Variants in RNF6 observed in about 807,000 individuals in gnomAD.
The protein encoded by RNF6 is ring finger protein 6.
Under a neutral mutation model 50.1 loss-of-function variants are expected in RNF6, and 21 were observed. The observed-to-expected ratio is 0.42, with a 90% CI of 0.30 to 0.60. RNF6 has a LOEUF of 0.60. Among genes scored for constraint, RNF6 ranks in the 20% least tolerant of loss-of-function variants. RNF6 has a pLI of 0.20. For synonymous variants in RNF6, 255 were observed against 291.8 expected (o/e 0.87, Z 1.29); for missense variants, 698 against 838.2 (o/e 0.83, Z 2.07).
At chr13:26,217,374 T>C (rs1242899439) in intron 4 of RNF6, among the ~76,000 whole-genome samples, 1 of 152,208 alleles carries the variant, frequency 6.6e-6, no homozygotes, top group Non-Finnish European at 1.5e-5. Context: ...GTGAAAGAGT[T>C]TGCCAAGTAC....
chr13:26,194,165 A>AT (rs1437928000), intron 5 of RNF6, among the ~76,000 whole-genome samples: 2 of 152,168 alleles, frequency 1.3e-5, no homozygotes, highest in Non-Finnish European at 2.9e-5. Context: ...ACAGATGGGT[A>AT]TTTTTCTCAA....
At chr13:26,133,367 G>A (rs1870488441) in intron 5 of RNF6, among the ~76,000 whole-genome samples, 1 of 152,160 alleles carries the variant, frequency 6.6e-6, no homozygotes, top group African/African-American at 2.4e-5. Context: ...TGAATCTACA[G>A]TTTGTGTTTT....
At chr13:26,186,606 T>G (rs1873547130) in intron 5 of RNF6, among the ~76,000 whole-genome samples, 1 of 152,200 alleles carries the variant, frequency 6.6e-6, no homozygotes, top group South Asian at 2.1e-4. Flanking sequence ...AGCCTCGGAA[T>G]TGGGCCTCCT....
chr13:26,170,195 G>T (rs1872630204), intron 5 of RNF6, among the ~76,000 whole-genome samples: 1 of 151,018 alleles, frequency 6.6e-6, no homozygotes, highest in Non-Finnish European at 1.5e-5. Context: ...CCATCTGATT[G>T]GGAGCAAACT....
At chr13:26,166,075 T>G (rs538343991) in intron 5 of RNF6, among the ~76,000 whole-genome samples, 28 of 152,250 alleles carry the variant, frequency 1.8e-4, no homozygotes, top group African/African-American at 6.5e-4. Context: ...TGAGAGGTAA[T>G]TGAATCACAG....
At chr13:26,220,609 A>G (rs1870377832) in intron 2 of RNF6, among the ~76,000 whole-genome samples, 1 of 152,200 alleles carries the variant, frequency 6.6e-6, no homozygotes, top group Non-Finnish European at 1.5e-5. Context: ...TAGATGCCCA[A>G]ATCTCATCCC....
Position 26,132,577 on chromosome 13 carries a change from A to G in RNF6, n.769-126T>C, listed in dbSNP as rs9581546. On this transcript the variant is annotated intron_variant and non_coding_transcript_variant, in intron 5 of 5. Transcript: ENST00000468480. ...TCTAAAAATGTATTGCACTCACTAG[A>G]TAATAAAATAATGCACATCACACTT... is the stretch of plus-strand genomic sequence containing the variant. 1,269 of 305,614 alleles carry G rather than the reference A, an allele frequency of 4.2e-3. 18 individuals carry two copies. The highest frequency in any genetic ancestry group is 0.026 in the African/African-American group (1,184 of 45,822). The allele number at this position is 305,614 out of a possible 1,614,324, so 18.9% of individuals were successfully genotyped here.
chr13:26,155,204 G>A (rs1357575006), intron 5 of RNF6, among the ~76,000 whole-genome samples: 1 of 151,918 alleles, frequency 6.6e-6, no homozygotes, highest in Non-Finnish European at 1.5e-5. Context: ...AGGAGTTGAA[G>A]GCTGCAGTAA....
At chr13:26,158,146 G>A (rs114962511) in intron 5 of RNF6, among the ~76,000 whole-genome samples, 3,557 of 152,264 alleles carry the variant, frequency 0.023, 122 homozygotes, top group African/African-American at 0.076. Context: ...AGCCAGGGAA[G>A]CTACAGTAAC....
At chr13:26,149,577 A>G (rs1871444922) in intron 5 of RNF6, among the ~76,000 whole-genome samples, 1 of 150,818 alleles carries the variant, frequency 6.6e-6, no homozygotes, top group Non-Finnish European at 1.5e-5. Context: ...ACAGGGTGAG[A>G]CTCCGTCTAA....
chr13:26,138,922 T>C (rs1870787970), intron 5 of RNF6, among the ~76,000 whole-genome samples: 1 of 152,216 alleles, frequency 6.6e-6, no homozygotes, highest in Non-Finnish European at 1.5e-5. Flanking sequence ...TCACTTCACA[T>C]CTGGTCAGAC....
At position 26,213,680 on chromosome 13, in the gene RNF6, T is replaced by C. The variant is rs1234792019; in HGVS notation, c.*144A>G. The C allele has an allele frequency of 1.9e-6, 1 of 525,084 alleles. No individual in the cohort carries two copies. Among genetic ancestry groups the C allele is most frequent in the Non-Finnish European group, 3.1e-6 (1 of 325,664 alleles). The allele number at this position is 525,084 out of a possible 1,614,324, so 32.5% of individuals were successfully genotyped here. A position where few individuals can be genotyped will look rare whatever the true frequency, so the allele number is the denominator to read the frequency against. ...TTTATATAAATTTCTTTTTAACAAG[T>C]TTAAAAAAGCACACGAAAAATAGTT... On this transcript the variant is annotated 3_prime_UTR_variant, in exon 5 of 5. Transcript: ENST00000381588.
At position 26,214,585 on chromosome 13, in the gene RNF6, T is replaced by C; in HGVS notation, c.1297A>G (p.Thr433Ala). ...SRVGLAENTV[T>A]IESNSGGFRR... ...AAGCCCCCACTATTGCTTTCAATAG[T>C]GACTGTATTTTCTGCTAGCCCTACT... Residue 433 changes from threonine (T) to alanine (A), a missense_variant, in exon 5 of 5, where the codon ACT (threonine) becomes GCT (alanine). Transcript: ENST00000381588. The C allele has an allele frequency of 6.2e-7, 1 of 1,614,194 alleles. No individual in the cohort carries two copies. Among genetic ancestry groups the C allele is most frequent in the Non-Finnish European group, 8.5e-7 (1 of 1,180,042 alleles).
chr13:26,193,924 T>C (rs1868559315), intron 5 of RNF6, among the ~76,000 whole-genome samples: 1 of 152,228 alleles, frequency 6.6e-6, no homozygotes, highest in Non-Finnish European at 1.5e-5. Flanking sequence ...TCTTGTGTAA[T>C]TATTTCTATT....
intron 4 of RNF6, among the ~76,000 whole-genome samples, chr13:26,217,137 T>C (rs745781645): frequency 4.6e-5 from 7 of 152,220 alleles, no homozygotes; most frequent in Non-Finnish European, 1.0e-4. Context: ...AGCTATTTTA[T>C]ATTTGATGAG....
At chr13:26,192,755 CA>C (rs1302455614) in intron 5 of RNF6, among the ~76,000 whole-genome samples, 2 of 152,104 alleles carry the variant, frequency 1.3e-5, no homozygotes, top group African/African-American at 2.4e-5. Context: ...TGAATCCTGC[CA>C]AAAACAGGTG....
At chr13:26,133,765 C>T (rs558290631) in intron 5 of RNF6, among the ~76,000 whole-genome samples, 1 of 152,180 alleles carries the variant, frequency 6.6e-6, no homozygotes, top group South Asian at 2.1e-4. Context: ...TTTGTAATTG[C>T]TCCCTGAAGA....
chr13:26,150,083 C>G (rs189234480), intron 5 of RNF6, among the ~76,000 whole-genome samples: 2,810 of 143,448 alleles, frequency 0.02, 45 homozygotes, highest in Non-Finnish European at 0.026. Flanking sequence ...TACACACACA[C>G]AGAGAGAGAG....
At chr13:26,203,409 G>A (rs1463060123) in intron 5 of RNF6, among the ~76,000 whole-genome samples, 2 of 152,254 alleles carry the variant, frequency 1.3e-5, no homozygotes, top group African/African-American at 4.8e-5. Flanking sequence ...GAACCAAATT[G>A]TGATTGTTTC....
Sources: gnomAD v4.1 joint callset for allele counts (sites outside exome capture counted in the v4.1 genomes callset) on GRCh38, gnomAD v4.1.1 for gene constraint, MANE v1.5 for transcripts, NCBI Gene and HGNC (gene_info 2026-07-23, HGNC 2026-07-21) for gene names.